Variants in XKR6 observed in about 807,000 individuals in gnomAD.
The protein encoded by XKR6 is XK-related protein 6.
In XKR6, 22 loss-of-function variants were observed where a neutral mutation model predicts 56.7. The ratio of observed to expected loss-of-function variants is 0.39; its 90% CI spans 0.28 to 0.55. The LOEUF is 0.55. XKR6 is among the 20% of genes least tolerant of loss of function. The pLI, the probability that XKR6 is intolerant of heterozygous loss-of-function variation, is 0.66. For synonymous variants in XKR6, 524 were observed against 387.8 expected (o/e 1.35, Z -4.13); for missense variants, 852 against 889.0 (o/e 0.96, Z 0.53).
chr8:11,158,342 G>C (rs767012536), intron 1 of XKR6, among the ~76,000 whole-genome samples: 2 of 152,198 alleles, frequency 1.3e-5, no homozygotes, highest in Non-Finnish European at 2.9e-5. Context: ...GAGGAAGACT[G>C]AGTGTACCAG....
At chr8:10,955,771 T>C (rs1801868493) in intron 1 of XKR6, among the ~76,000 whole-genome samples, 1 of 152,114 alleles carries the variant, frequency 6.6e-6, no homozygotes, top group Non-Finnish European at 1.5e-5. Context: ...AGTTGGTGTG[T>C]AGAGAAACTT....
At chr8:10,952,538 C>T (rs1375349053) in intron 1 of XKR6, among the ~76,000 whole-genome samples, 3 of 152,194 alleles carry the variant, frequency 2.0e-5, no homozygotes, top group African/African-American at 4.8e-5. Flanking sequence ...ACTGCAGCCT[C>T]GAACTTTTGA....
intron 1 of XKR6, chr8:11,138,351 T>C (rs1364708134): frequency 6.6e-6 from 1 of 152,344 alleles, no homozygotes; most frequent in South Asian, 2.1e-4. Flanking sequence ...TGGTCAGGCA[T>C]CTATCATAAA....
chr8:11,113,238 A>T (rs1045145123), intron 1 of XKR6, among the ~76,000 whole-genome samples: 7 of 152,226 alleles, frequency 4.6e-5, no homozygotes, highest in African/African-American at 1.7e-4. Flanking sequence ...GCTTAGTGTG[A>T]ATCTGAACTC....
intron 1 of XKR6, among the ~76,000 whole-genome samples, chr8:10,971,433 A>AT (rs1054457591): frequency 3.3e-5 from 5 of 152,088 alleles, no homozygotes; most frequent in South Asian, 2.1e-4. Context: ...AAAGTAATTA[A>AT]TTAATTTAAT....
At chr8:10,955,297 T>C (rs1255235579) in intron 1 of XKR6, among the ~76,000 whole-genome samples, 1 of 152,176 alleles carries the variant, frequency 6.6e-6, no homozygotes, top group Non-Finnish European at 1.5e-5. Flanking sequence ...CTCAGCCTCC[T>C]GAATAAGTGG....
At position 11,129,056 on chromosome 8, in the gene XKR6, T is replaced by C. The variant is rs915924157; in HGVS notation, c.764+71520A>G. ...AAATTAAGCACATCTTAGGCTTCAA[T>C]TCAATGACTCAGATGCATCCATGTA... On this transcript the variant is annotated intron_variant, in intron 1 of 2. Coordinates refer to ENST00000416569, the MANE Select transcript of XKR6 (RefSeq NM_173683.4). 4 of 441,478 alleles carry C rather than the reference T, an allele frequency of 9.1e-6. No homozygotes were observed. The East Asian group carries it at 2.8e-4, about 31-fold the overall frequency. The allele number at this position is 441,478 out of a possible 1,614,324, so 27.3% of individuals were successfully genotyped here. A position where few individuals can be genotyped will look rare whatever the true frequency, so the allele number is the denominator to read the frequency against.
At chr8:11,108,432 A>C (rs1025326365) in intron 1 of XKR6, 3 of 432,874 alleles carry the variant, frequency 6.9e-6, no homozygotes, top group Non-Finnish European at 1.4e-5. Flanking sequence ...GAAAATCTTC[A>C]TAATTGTTAG....
At chr8:11,140,432 A>G (rs1402707832) in intron 1 of XKR6, among the ~76,000 whole-genome samples, 2 of 152,246 alleles carry the variant, frequency 1.3e-5, no homozygotes, top group Non-Finnish European at 2.9e-5. Flanking sequence ...ACAGAGGGAA[A>G]TATCACTGCA....
intron 1 of XKR6, among the ~76,000 whole-genome samples, chr8:11,181,209 A>G (rs149205553): frequency 2.0e-5 from 3 of 152,316 alleles, no homozygotes; most frequent in Admixed American, 6.5e-5. Flanking sequence ...TTTATACTCA[A>G]TATTTTCTTC....
intron 1 of XKR6, among the ~76,000 whole-genome samples, chr8:11,058,444 C>T (rs207468939): frequency 1.3e-5 from 2 of 152,174 alleles, no homozygotes; most frequent in Admixed American, 6.5e-5. Context: ...ACCCAAATGC[C>T]CATCAGTGAT....
intron 1 of XKR6, among the ~76,000 whole-genome samples, chr8:11,111,008 ATT>A (rs58233543): frequency 5.3e-5 from 6 of 114,198 alleles, no homozygotes; most frequent in African/African-American, 1.5e-4. Flanking sequence ...GGCTTTTTCT[ATT>A]TTTTTTTTTT....
intron 1 of XKR6, among the ~76,000 whole-genome samples, chr8:10,938,175 T>C (rs947379796): frequency 6.6e-6 from 1 of 152,228 alleles, no homozygotes; most frequent in East Asian, 1.9e-4. Flanking sequence ...CAGGTGCGTC[T>C]GTCACCCCTT....
At chr8:11,072,083 G>C (rs1189208887) in intron 1 of XKR6, among the ~76,000 whole-genome samples, 7 of 152,196 alleles carry the variant, frequency 4.6e-5, no homozygotes, top group Admixed American at 4.6e-4. Context: ...AGCTCTCTGT[G>C]GTGACCGCAT....
chr8:10,978,814 T>C (rs924055752), intron 1 of XKR6, among the ~76,000 whole-genome samples: 1 of 152,308 alleles, frequency 6.6e-6, no homozygotes, highest in African/African-American at 2.4e-5. Context: ...CCTTGTCCCA[T>C]GTCATTCTTC....
At chr8:11,082,231 C>T (rs1797749450) in intron 1 of XKR6, among the ~76,000 whole-genome samples, 1 of 152,230 alleles carries the variant, frequency 6.6e-6, no homozygotes, top group South Asian at 2.1e-4. Flanking sequence ...TGAAGCCCAG[C>T]TCCACTCTTT....
chr8:11,111,781 G>GTTT (rs1423614623), intron 1 of XKR6: 1 of 151,918 alleles, frequency 6.6e-6, no homozygotes, highest in African/African-American at 2.4e-5. Context: ...CATCTAGTAA[G>GTTT]TTACTAGATA....
At chr8:10,981,114 C>T (rs1797724603) in intron 1 of XKR6, among the ~76,000 whole-genome samples, 1 of 152,214 alleles carries the variant, frequency 6.6e-6, no homozygotes, top group African/African-American at 2.4e-5. Context: ...CTTCTACTCT[C>T]CCACTGTCAA....
At chr8:11,125,273 G>C (rs900277823) in intron 1 of XKR6, among the ~76,000 whole-genome samples, 8 of 152,170 alleles carry the variant, frequency 5.3e-5, no homozygotes, top group African/African-American at 1.9e-4. Context: ...CTTCCTGCAA[G>C]AGGGGCCAGG....
Sources: allele counts gnomAD v4.1 joint callset (sites outside exome capture counted in the v4.1 genomes callset), GRCh38; gene constraint gnomAD v4.1.1; transcripts MANE v1.5; gene names NCBI Gene and HGNC (gene_info 2026-07-23, HGNC 2026-07-21).